VPS54: variants seen among roughly 807,000 people sequenced by gnomAD.
The protein encoded by VPS54 is vacuolar protein sorting-associated protein 54.
A neutral mutation model predicts 121.5 loss-of-function variants in VPS54; 45 were observed. The ratio of observed to expected loss-of-function variants is 0.37; its 90% confidence interval spans 0.29 to 0.47. The LOEUF (loss-of-function observed/expected upper bound fraction) is 0.47, where lower values mean the gene tolerates loss of function less well. VPS54 is among the 20% of genes least tolerant of loss of function. The pLI, the probability that VPS54 is intolerant of heterozygous loss-of-function variation, is 0.99. For missense variants in VPS54, 1,090 were observed against 1,131.4 expected, an observed-to-expected ratio of 0.96 and a Z score of 0.52; for synonymous variants, 371 against 385.8, an observed-to-expected ratio of 0.96 and a Z score of 0.45.
intron 5 of VPS54, 102 bp downstream of exon 5, chr2:63,968,855 C>T: frequency 1.1e-6 from 1 of 927,760 alleles, no homozygotes; most frequent in Non-Finnish European, 1.6e-6. Context: ...ACAAAGTAGC[C>T]AAAGGGTCAA....
intron 12 of VPS54, among the ~76,000 whole-genome samples, chr2:63,927,223 C>T (rs1339974328): frequency 3.9e-5 from 6 of 152,190 alleles, no homozygotes; most frequent in African/African-American, 1.2e-4. Context: ...CCCTGACCCC[C>T]GTGCAGCCTG....
intron 12 of VPS54, 125 bp downstream of exon 12, chr2:63,933,548 T>A (rs1674313123): frequency 2.5e-6 from 2 of 810,662 alleles, no homozygotes; most frequent in Admixed American, 5.8e-5. Flanking sequence ...TTCATAAAAT[T>A]AATATATTTT....
chr2:63,987,682 G>A (rs1390142948), intron 1 of VPS54, among the ~76,000 whole-genome samples: 1 of 152,080 alleles, frequency 6.6e-6, no homozygotes, highest in African/African-American at 2.4e-5. Context: ...TCCTTTGTGT[G>A]TGTGTTTGCC....
intron 1 of VPS54, among the ~76,000 whole-genome samples, chr2:64,015,630 G>A (rs1050342198): frequency 2.0e-5 from 3 of 152,114 alleles, no homozygotes; most frequent in African/African-American, 7.2e-5. Context: ...AATGTCTCTA[G>A]ACACTGCCAA....
chr2:64,007,853 A>G (rs537610571), intron 1 of VPS54, among the ~76,000 whole-genome samples: 3 of 152,318 alleles, frequency 2.0e-5, no homozygotes, highest in African/African-American at 4.8e-5. Flanking sequence ...TAGCATCAAC[A>G]TGCTGCAAAG....
rs549878384 is a variant in VPS54, at chr2:63,928,679, TG to T, written c.1739+4993del. 3.6e-3 allele frequency among the ~76,000 whole-genome samples: 540 copies of T among 152,070 alleles called. 3 individuals are homozygous for T. The highest frequency in any genetic ancestry group is 0.011 in the African/African-American group (453 of 41,470). On this transcript the variant is annotated intron_variant, in intron 12 of 22. Coordinates refer to ENST00000272322, the MANE Select transcript of VPS54 (RefSeq NM_016516.3). ...TAACAATATTAACCTTAAATGTAAA[TG>T]GGCTAAATGCCCCAATTAAAAGACA...
intron 22 of VPS54, 50 bp from the exon 23 acceptor site, chr2:63,893,585 G>T: frequency 6.6e-7 from 1 of 1,510,726 alleles, no homozygotes. Flanking sequence ...TTTCTATTCA[G>T]ATAATTAAAG....
At chr2:63,959,293 T>C (rs1001465155) in intron 7 of VPS54, among the ~76,000 whole-genome samples, 1 of 152,132 alleles carries the variant, frequency 6.6e-6, no homozygotes, top group African/African-American at 2.4e-5. Flanking sequence ...TAATAACAAG[T>C]CTTAAACTAC....
intron 11 of VPS54, among the ~76,000 whole-genome samples, chr2:63,935,203 T>C (rs993878274): frequency 1.1e-4 from 16 of 152,172 alleles, no homozygotes. Flanking sequence ...ATTTTTTTAG[T>C]TGTATGAGCT....
At chr2:63,938,059 GGTGTGTGT>G (rs1553475195) in intron 11 of VPS54, among the ~76,000 whole-genome samples, 3 of 140,384 alleles carry the variant, frequency 2.1e-5, no homozygotes, top group Non-Finnish European at 4.6e-5. Flanking sequence ...TGGTGTGTGT[GGTGTGTGT>G]GTGTGTGTGT....
intron 11 of VPS54, among the ~76,000 whole-genome samples, chr2:63,937,904 A>C (rs139480592): frequency 0.018 from 2,697 of 152,264 alleles, 34 homozygotes; most frequent in Non-Finnish European, 0.022. Flanking sequence ...CCAGTCACAA[A>C]AGGATAAATA....
intron 17 of VPS54, 52 bp from the exon 18 acceptor site, chr2:63,913,362 A>G (rs779855633): frequency 2.2e-6 from 3 of 1,361,282 alleles, no homozygotes; most frequent in Non-Finnish European, 3.1e-6. Context: ...ACTGTTCTTT[A>G]TATCCTGGCA....
intron 6 of VPS54, 114 bp downstream of exon 6, chr2:63,965,721 G>T: frequency 6.9e-7 from 1 of 1,443,128 alleles, no homozygotes; most frequent in Non-Finnish European, 9.4e-7. Context: ...TTATCAGTAA[G>T]AACAAAAATG....
At chr2:63,944,436 C>G (rs1186687834) in intron 10 of VPS54, among the ~76,000 whole-genome samples, 164 bp downstream of exon 10, 1 of 152,202 alleles carries the variant, frequency 6.6e-6, no homozygotes, top group African/African-American at 2.4e-5. Context: ...CTCCTCAATT[C>G]TGTTAAGCAC....
Position 63,920,622 on chromosome 2 carries a change from A to T in VPS54, c.1875T>A (p.Gly625=). Residue 625 remains glycine, a synonymous_variant, in exon 14 of 23, where the codon GGT becomes GGA. Transcript: ENST00000272322. ...VKFLMSRAKD[G]FLEKLNSMEF... is the part of the protein sequence containing the mutation. ...CCATGGAATTTAGCTTCTCAAGAAA[A>T]CCATCCTAAATTTTAATACAAAAAT... 6.7e-7 allele frequency: 1 copy of T among 1,485,650 alleles called. No homozygotes were observed. The highest frequency in any genetic ancestry group is 8.9e-7 in the Non-Finnish European group (1 of 1,118,032). The allele number at this position is 1,485,650 out of a possible 1,614,324, so 92.0% of individuals were successfully genotyped here. A position where few individuals can be genotyped will look rare whatever the true frequency, so the allele number is the denominator to read the frequency against.
intron 11 of VPS54, among the ~76,000 whole-genome samples, chr2:63,936,196 A>G (rs1674444680): frequency 6.6e-6 from 1 of 152,130 alleles, no homozygotes; most frequent in Non-Finnish European, 1.5e-5. Flanking sequence ...CAGTTATTAA[A>G]ATTTTCCACA....
intron 1 of VPS54, among the ~76,000 whole-genome samples, chr2:64,016,405 A>G (rs749992468): frequency 1.3e-5 from 2 of 152,200 alleles, no homozygotes; most frequent in Non-Finnish European, 2.9e-5. Context: ...CTATGAGCCA[A>G]GAAGCATTAT....
At chr2:63,970,189 C>T (rs1676199561) in intron 4 of VPS54, among the ~76,000 whole-genome samples, 1 of 117,206 alleles carries the variant, frequency 8.5e-6, no homozygotes, top group Admixed American at 9.8e-5. Context: ...TCAGTTCTTT[C>T]CCATTAAAAA....
intron 11 of VPS54, among the ~76,000 whole-genome samples, chr2:63,936,220 G>T (rs1227533522): frequency 6.6e-6 from 1 of 152,034 alleles, no homozygotes; most frequent in Non-Finnish European, 1.5e-5. Context: ...AGTATATCAG[G>T]TATTCTAGGG....
Sources: gnomAD v4.1 joint callset for allele counts (sites outside exome capture counted in the v4.1 genomes callset) on GRCh38, gnomAD v4.1.1 for gene constraint, MANE v1.5 for transcripts, NCBI Gene and HGNC (gene_info 2026-07-23, HGNC 2026-07-21) for gene names.